TENM4: variants seen among roughly 807,000 people sequenced by gnomAD.
TENM4 encodes the protein teneurin-4.
Under a neutral mutation model 243.3 loss-of-function variants are expected in TENM4, and 82 were observed. The observed-to-expected ratio is 0.34, with a 90% CI of 0.28 to 0.40. The LOEUF is 0.40. TENM4 is among the 10% of genes least tolerant of loss of function. The probability of loss-of-function intolerance (pLI) is 1.00; values close to 1 mark genes in which losing one functional copy is unlikely to be tolerated. For missense variants in TENM4, 3,138 were observed against 3,673.3 expected (o/e 0.85, Z 3.77); for synonymous variants, 1,412 against 1,456.3 (o/e 0.97, Z 0.69).
chr11:78,999,747 G>A (rs1858267622), intron 6 of TENM4, among the ~76,000 whole-genome samples: 1 of 152,128 alleles, frequency 6.6e-6, no homozygotes, highest in Non-Finnish European at 1.5e-5. Context: ...AACTGACTGA[G>A]AGTGGGACAA....
intron 30 of TENM4, among the ~76,000 whole-genome samples, chr11:78,675,951 C>T (rs1368061571): frequency 6.6e-6 from 1 of 152,206 alleles, no homozygotes; most frequent in Non-Finnish European, 1.5e-5. Context: ...ACCTGTCTAA[C>T]ACCAAAGCCA....
chr11:79,394,851 G>A (rs1858308528), intron 1 of TENM4, among the ~76,000 whole-genome samples: 2 of 152,118 alleles, frequency 1.3e-5, no homozygotes, highest in South Asian at 4.2e-4. Flanking sequence ...AGAGAAGATA[G>A]CCATGTGAGG....
At chr11:79,420,595 ACT>A (rs748554475) in intron 1 of TENM4, among the ~76,000 whole-genome samples, 120 of 152,048 alleles carry the variant, frequency 7.9e-4, no homozygotes, top group Non-Finnish European at 1.3e-3. Context: ...CATAGTGAAG[ACT>A]CTGAGACTTT....
chr11:79,289,917 G>A (rs1856324776), intron 2 of TENM4, among the ~76,000 whole-genome samples: 1 of 151,930 alleles, frequency 6.6e-6, no homozygotes, highest in Non-Finnish European at 1.5e-5. Flanking sequence ...CTTCTCTTTT[G>A]CCTAGGTTAG....
chr11:78,951,089 G>A (rs565606850), intron 6 of TENM4, among the ~76,000 whole-genome samples: 1 of 152,268 alleles, frequency 6.6e-6, no homozygotes, highest in African/African-American at 2.4e-5. Context: ...GCTGCTCCCT[G>A]AGAGCTGGAA....
intron 6 of TENM4, among the ~76,000 whole-genome samples, chr11:78,997,519 T>G (rs1460373455): frequency 2.0e-5 from 3 of 152,200 alleles, no homozygotes; most frequent in Non-Finnish European, 4.4e-5. Flanking sequence ...GCTACCCACA[T>G]GCAAAGCACA....
At chr11:78,684,536 A>G (rs1161842164) in intron 29 of TENM4, among the ~76,000 whole-genome samples, 17 of 150,998 alleles carry the variant, frequency 1.1e-4, no homozygotes, top group Non-Finnish European at 1.6e-4. Context: ...ACAAACACAC[A>G]TACACACAGA....
intron 1 of TENM4, among the ~76,000 whole-genome samples, chr11:79,307,296 A>G (rs1055653727): frequency 2.0e-5 from 3 of 151,942 alleles, no homozygotes; most frequent in African/African-American, 7.3e-5. Flanking sequence ...CAACAACCCA[A>G]TCCTCACCGT....
intron 27 of TENM4, among the ~76,000 whole-genome samples, chr11:78,704,126 T>TAC (rs1859180120): frequency 6.9e-6 from 1 of 144,710 alleles, no homozygotes; most frequent in Non-Finnish European, 1.5e-5. Context: ...TATATATATA[T>TAC]ACACGTGTAT....
chr11:79,306,964 G>T (rs1344706857), intron 1 of TENM4, among the ~76,000 whole-genome samples: 2 of 152,108 alleles, frequency 1.3e-5, no homozygotes, highest in African/African-American at 2.4e-5. Flanking sequence ...ATTTTATTTC[G>T]TAAGGGAGAA....
intron 7 of TENM4, among the ~76,000 whole-genome samples, chr11:78,903,000 G>C (rs1855965910): frequency 6.6e-6 from 1 of 151,708 alleles, no homozygotes; most frequent in Non-Finnish European, 1.5e-5. Context: ...TAAGGGAAGA[G>C]AGGCAAGGGG....
intron 1 of TENM4, among the ~76,000 whole-genome samples, chr11:79,370,068 C>T (rs1238531878): frequency 1.3e-5 from 2 of 152,156 alleles, no homozygotes; most frequent in Admixed American, 1.3e-4. Context: ...TCAAACTCCC[C>T]CTGCCCTGCT....
intron 6 of TENM4, among the ~76,000 whole-genome samples, chr11:78,957,070 C>T (rs1428490978): frequency 2.6e-5 from 4 of 152,168 alleles, no homozygotes; most frequent in Non-Finnish European, 5.9e-5. Context: ...TTTAAAATGT[C>T]ATCATGAATG....
intron 1 of TENM4, among the ~76,000 whole-genome samples, chr11:79,343,248 T>C (rs1857271244): frequency 6.6e-6 from 1 of 152,258 alleles, no homozygotes; most frequent in Non-Finnish European, 1.5e-5. Flanking sequence ...ACATGCATTA[T>C]GGTTAAGTGA....
chr11:78,978,626 A>G (rs913413350), intron 6 of TENM4, among the ~76,000 whole-genome samples: 4 of 152,218 alleles, frequency 2.6e-5, no homozygotes, highest in South Asian at 4.1e-4. Context: ...AGTGGACACC[A>G]GGACGGAACG....
At chr11:78,660,670 G>A (rs144805686) in intron 33 of TENM4, among the ~76,000 whole-genome samples, 10 of 152,326 alleles carry the variant, frequency 6.6e-5, no homozygotes, top group African/African-American at 2.4e-4. Flanking sequence ...TGAAGGCTTA[G>A]TCTCTGCCTG....
At chr11:78,947,636 C>A (rs1227421277) in intron 6 of TENM4, among the ~76,000 whole-genome samples, 1 of 152,248 alleles carries the variant, frequency 6.6e-6, no homozygotes, top group African/African-American at 2.4e-5. Flanking sequence ...GCTGACCCAA[C>A]TTTAAGTATG....
chr11:79,127,668 C>G (rs1392475324), intron 4 of TENM4, among the ~76,000 whole-genome samples: 2 of 152,194 alleles, frequency 1.3e-5, no homozygotes, highest in Non-Finnish European at 2.9e-5. Flanking sequence ...CTTTTTGCTT[C>G]AGCAGGATAT....
At chr11:79,426,155 T>C (rs1351458866) in intron 1 of TENM4, among the ~76,000 whole-genome samples, 1 of 152,214 alleles carries the variant, frequency 6.6e-6, no homozygotes, top group African/African-American at 2.4e-5. Flanking sequence ...TGCAGGCAGA[T>C]GTGAGAAGAG....
Sources: gnomAD v4.1 joint callset for allele counts (sites outside exome capture counted in the v4.1 genomes callset) on GRCh38, gnomAD v4.1.1 for gene constraint, MANE v1.5 for transcripts, NCBI Gene and HGNC (gene_info 2026-07-23, HGNC 2026-07-21) for gene names.